AP3S1: variants seen among roughly 807,000 people sequenced by gnomAD.
AP3S1 encodes the protein AP-3 complex subunit sigma-1.
Under a neutral mutation model 21.3 loss-of-function variants are expected in AP3S1, and 12 were observed. The ratio of observed to expected loss-of-function variants is 0.56; its 90% CI spans 0.36 to 0.91. The LOEUF is 0.91. Among genes scored for constraint, AP3S1 ranks in the 40% least tolerant of loss-of-function variants. The pLI, the probability that AP3S1 is intolerant of heterozygous loss-of-function variation, is 0.01. For missense variants in AP3S1, 116 were observed against 225.0 expected, an observed-to-expected ratio of 0.52 and a Z score of 3.10; for synonymous variants, 48 against 78.4, an observed-to-expected ratio of 0.61 and a Z score of 2.05.
intron 5 of AP3S1, chr5:115,906,959 G>T: frequency 7.3e-7 from 1 of 1,376,442 alleles, no homozygotes; most frequent in Non-Finnish European, 9.4e-7. Context: ...AATTCTTTGT[G>T]TTAATAAACC....
chr5:115,900,544 T>A (rs968812776), intron 4 of AP3S1, among the ~76,000 whole-genome samples: 3 of 152,248 alleles, frequency 2.0e-5, no homozygotes, highest in African/African-American at 7.2e-5. Context: ...TGATTCCTTT[T>A]TGTTGGCGAT....
At chr5:115,874,403 T>C (rs1476415870) in intron 3 of AP3S1, among the ~76,000 whole-genome samples, 1 of 152,092 alleles carries the variant, frequency 6.6e-6, no homozygotes, top group East Asian at 1.9e-4. Flanking sequence ...AGCAGTTGTA[T>C]TGTCCTTAAT....
rs1301040466 is a variant in AP3S1 at position 115,913,588 on chromosome 5, C to T, written c.*98C>T. On this transcript the variant is annotated 3_prime_UTR_variant, in exon 6 of 6. Transcript: ENST00000316788. The stretch of plus-strand genomic sequence containing the variant: ...CAAAAATAGAGGAGGAGAGTCTTAA[C>T]TTTTGCTCTTGGATTTAAGTCAAGG... 27 of 1,518,288 alleles carry T rather than the reference C, an allele frequency of 1.8e-5. No individual in the cohort carries two copies. Among genetic ancestry groups the T allele is most frequent in the Non-Finnish European group, 2.3e-5 (26 of 1,129,434 alleles). The allele number at this position is 1,518,288 out of a possible 1,614,324, so 94.1% of individuals were successfully genotyped here.
rs187952312 is a variant in AP3S1 at position 115,854,273 on chromosome 5, C to T, written c.69+12167C>T. Among the ~76,000 whole-genome samples the T allele has an allele frequency of 6.5e-3, 994 of 152,224 alleles. 5 individuals are homozygous for T. Among genetic ancestry groups the T allele is most frequent in the Non-Finnish European group, 1.0e-2 (679 of 68,026 alleles). The stretch of plus-strand genomic sequence containing the variant: ...TGAACTTTGGGGGAGACATTCAAAC[C>T]AAAGCAGAATGGTTGATGGTGGTTT... On this transcript the variant is annotated intron_variant, in intron 1 of 5. Coordinates refer to ENST00000316788, the MANE Select transcript of AP3S1 (RefSeq NM_001284.4).
intron 5 of AP3S1, chr5:115,904,175 T>A (rs954057328): frequency 6.6e-6 from 1 of 152,176 alleles, no homozygotes; most frequent in African/African-American, 2.4e-5. Context: ...ATAACTCAGA[T>A]TGGAAAAAAC....
At chr5:115,907,310 C>G (rs926060793) in intron 5 of AP3S1, among the ~76,000 whole-genome samples, 4 of 152,024 alleles carry the variant, frequency 2.6e-5, no homozygotes, top group Non-Finnish European at 5.9e-5. Context: ...GTTTTGGAAG[C>G]TGTGAATTTA....
intron 4 of AP3S1, among the ~76,000 whole-genome samples, chr5:115,898,413 C>G (rs1157957907): frequency 6.6e-6 from 1 of 152,150 alleles, no homozygotes; most frequent in Non-Finnish European, 1.5e-5. Context: ...AGTGTAGTCA[C>G]CCTGAAGTAG....
At chr5:115,872,007 A>G (rs931530809) in intron 3 of AP3S1, among the ~76,000 whole-genome samples, 2 of 152,188 alleles carry the variant, frequency 1.3e-5, no homozygotes, top group African/African-American at 2.4e-5. Context: ...CACTGTGGCT[A>G]AGGCTTTAAA....
intron 3 of AP3S1, among the ~76,000 whole-genome samples, chr5:115,886,209 G>A (rs962233565): frequency 7.2e-5 from 11 of 152,118 alleles, no homozygotes; most frequent in East Asian, 1.9e-4. Flanking sequence ...TAAAGCAGTC[G>A]GAACAGTGGT....
At chr5:115,886,725 T>G (rs1189724132) in intron 3 of AP3S1, among the ~76,000 whole-genome samples, 2 of 152,210 alleles carry the variant, frequency 1.3e-5, no homozygotes, top group Non-Finnish European at 2.9e-5. Context: ...AAAGATCACC[T>G]GTACCAAGTA....
intron 5 of AP3S1, among the ~76,000 whole-genome samples, chr5:115,910,883 T>C (rs1752047189): frequency 1.3e-5 from 2 of 152,182 alleles, no homozygotes; most frequent in African/African-American, 4.8e-5. Flanking sequence ...CCATTTAAAT[T>C]CATGGCATAC....
intron 2 of AP3S1, among the ~76,000 whole-genome samples, chr5:115,869,566 T>C (rs1300654937): frequency 1.3e-5 from 2 of 152,232 alleles, no homozygotes; most frequent in African/African-American, 2.4e-5. Flanking sequence ...AATGCTCTTC[T>C]CTAAATTTTT....
At position 115,842,055 on chromosome 5, in the gene AP3S1, A is replaced by G; in HGVS notation, c.18A>G (p.Leu6=). 4 of 1,591,460 alleles carry G rather than the reference A, an allele frequency of 2.5e-6. No homozygotes were observed. The highest frequency in any genetic ancestry group is 3.4e-6 in the Non-Finnish European group (4 of 1,169,888). Residue 6 remains leucine, a synonymous_variant, in exon 1 of 6, where the codon CTA becomes CTG. Coordinates refer to ENST00000316788, the MANE Select transcript of AP3S1 (RefSeq NM_001284.4). ...GCACAGCCATGATCAAGGCGATCCT[A>G]ATCTTCAACAACCACGGGAAGCCGC... MIKAI[L]IFNNHGKPRL...
At chr5:115,879,371 C>T (rs185497356) in intron 3 of AP3S1, among the ~76,000 whole-genome samples, 260 of 152,274 alleles carry the variant, frequency 1.7e-3, no homozygotes, top group African/African-American at 6.1e-3. Flanking sequence ...AGATATGTTC[C>T]ATCTATACGT....
chr5:115,867,094 T>C (rs191494145), intron 2 of AP3S1, among the ~76,000 whole-genome samples: 270 of 152,210 alleles, frequency 1.8e-3, no homozygotes, highest in African/African-American at 6.2e-3. Context: ...TTCTAGAAAA[T>C]AGTTTGTATT....
At chr5:115,892,410 T>TG (rs1477308153) in intron 3 of AP3S1, among the ~76,000 whole-genome samples, 1 of 152,208 alleles carries the variant, frequency 6.6e-6, no homozygotes, top group Admixed American at 6.5e-5. Flanking sequence ...GCAACCTAAG[T>TG]GTTCATCAGC....
chr5:115,895,229 G>T, intron 4 of AP3S1, 71 bp downstream of exon 4: 1 of 1,047,722 alleles, frequency 9.5e-7, no homozygotes, highest in Non-Finnish European at 1.4e-6. Context: ...AGCAAAAATG[G>T]CTTTAATGAA....
intron 5 of AP3S1, among the ~76,000 whole-genome samples, chr5:115,910,452 C>T (rs115320350): frequency 0.016 from 2,388 of 151,240 alleles, 79 homozygotes; most frequent in African/African-American, 0.055. Context: ...TAAGTTTTAG[C>T]GTTGAAAAGT....
At chr5:115,847,116 C>G (rs559939790) in intron 1 of AP3S1, among the ~76,000 whole-genome samples, 113 of 152,232 alleles carry the variant, frequency 7.4e-4, no homozygotes, top group African/African-American at 2.6e-3. Context: ...TTCTGCAGTC[C>G]TGGACTGTGT....
Sources: gnomAD v4.1 joint callset for allele counts (sites outside exome capture counted in the v4.1 genomes callset) on GRCh38, gnomAD v4.1.1 for gene constraint, MANE v1.5 for transcripts, NCBI Gene and HGNC (gene_info 2026-07-23, HGNC 2026-07-21) for gene names.